The following WDR27 variants were observed in gnomAD, a reference collection of about 807,000 sequenced individuals.
WDR27 encodes WD repeat-containing protein 27.
WDR27 carries 100 observed loss-of-function variants against 114.4 expected under a neutral mutation model. That is an observed-to-expected ratio of 0.87 (90% CI 0.74 to 1.03). The LOEUF (loss-of-function observed/expected upper bound fraction) is 1.03, where lower values mean the gene tolerates loss of function less well. WDR27 is among the 50% of genes least tolerant of loss of function. WDR27 has a pLI of 0.00. For synonymous variants in WDR27, 449 were observed against 423.1 expected, an observed-to-expected ratio of 1.06 and a Z score of -0.75; for missense variants, 1,129 against 1,092.9, an observed-to-expected ratio of 1.03 and a Z score of -0.47.
chr6:169,508,590 C>T (rs1190368328), intron 25 of WDR27, among the ~76,000 whole-genome samples: 2 of 152,052 alleles, frequency 1.3e-5, no homozygotes, highest in East Asian at 3.9e-4. Flanking sequence ...GGAACAATTG[C>T]ACACAAGAAT....
the WDR27 span, among the ~76,000 whole-genome samples, chr6:169,434,085 A>C: frequency 6.6e-6 from 1 of 152,158 alleles, no homozygotes; most frequent in African/African-American, 2.4e-5. Flanking sequence ...GAAGCTCTTT[A>C]GTTTAATTAG....
At chr6:169,696,857 T>G (rs1268427697) in intron 1 of WDR27, among the ~76,000 whole-genome samples, 1 of 152,188 alleles carries the variant, frequency 6.6e-6, no homozygotes, top group African/African-American at 2.4e-5. Context: ...GAGGTTGTTG[T>G]GAGCCAAGAT....
chr6:169,544,346 A>C (rs1797188961), intron 25 of WDR27, among the ~76,000 whole-genome samples: 1 of 152,210 alleles, frequency 6.6e-6, no homozygotes, highest in Non-Finnish European at 1.5e-5. Flanking sequence ...TATTAAAAAA[A>C]AACTCTTAGA....
intron 23 of WDR27, among the ~76,000 whole-genome samples, chr6:169,601,739 A>G (rs1328093722): frequency 6.6e-6 from 1 of 152,214 alleles, no homozygotes; most frequent in Non-Finnish European, 1.5e-5. Flanking sequence ...GATTATGGAC[A>G]AGTGGATGTG....
At chr6:169,617,594 T>C (rs551741476) in intron 21 of WDR27, among the ~76,000 whole-genome samples, 1 of 152,312 alleles carries the variant, frequency 6.6e-6, no homozygotes, top group South Asian at 2.1e-4. Flanking sequence ...CAGTCTGGTT[T>C]TGAACTCCTG....
intron 25 of WDR27, among the ~76,000 whole-genome samples, chr6:169,469,608 TG>T (rs1342846988): frequency 6.6e-6 from 1 of 152,218 alleles, no homozygotes; most frequent in Non-Finnish European, 1.5e-5. Flanking sequence ...TGATGGGGCC[TG>T]TGGTGGGAGT....
chr6:169,642,763 C>CTA (rs1265243658), intron 17 of WDR27, among the ~76,000 whole-genome samples: 1 of 152,208 alleles, frequency 6.6e-6, no homozygotes, highest in Non-Finnish European at 1.5e-5. Context: ...CTTGCCTAGG[C>CTA]CTGCTTCCCA....
intron 25 of WDR27, among the ~76,000 whole-genome samples, chr6:169,545,215 T>C (rs1156753241): frequency 6.6e-6 from 1 of 152,120 alleles, no homozygotes; most frequent in Non-Finnish European, 1.5e-5. Flanking sequence ...GACAGAGCAA[T>C]GAAACAGGAT....
At chr6:169,427,090 T>C in the WDR27 span, 1 of 152,742 alleles carries the variant, frequency 6.5e-6, no homozygotes, top group African/African-American at 2.4e-5. Flanking sequence ...AGAGCCCCTG[T>C]GGTCTCAGGC....
At chr6:169,431,786 G>C in the WDR27 span, among the ~76,000 whole-genome samples, 1 of 152,214 alleles carries the variant, frequency 6.6e-6, no homozygotes, top group Non-Finnish European at 1.5e-5. Flanking sequence ...TGTTCAAACA[G>C]TATGAGGATC....
At chr6:169,608,671 G>T (rs186878351) in intron 22 of WDR27, among the ~76,000 whole-genome samples, 148 of 152,294 alleles carry the variant, frequency 9.7e-4, no homozygotes, top group Middle Eastern at 3.4e-3. Flanking sequence ...AATTCAAGAT[G>T]AGATTTGGGT....
At position 169,666,568 on chromosome 6, in the gene WDR27, G is replaced by A. The variant is rs138618610; in HGVS notation, c.712+568C>T. The A allele has an allele frequency of 3.3e-5, 33 of 985,534 alleles. No individual in the cohort carries two copies. The East Asian group carries it at 1.8e-3, about 54-fold the overall frequency. 61.0% of individuals were successfully genotyped at this position (985,534 alleles called of 1,614,324 possible). A position where few individuals can be genotyped will look rare whatever the true frequency, so the allele number is the denominator to read the frequency against. On this transcript the variant is annotated intron_variant, in intron 6 of 25. Transcript: ENST00000448612. ...GGCTGCACGGGAGAGGTGCTGGGGC[G>A]TCACAGACCGCTCCTTATGCCGTGC...
At chr6:169,556,920 A>G (rs1347131688) in intron 25 of WDR27, among the ~76,000 whole-genome samples, 1 of 152,206 alleles carries the variant, frequency 6.6e-6, no homozygotes, top group Non-Finnish European at 1.5e-5. Context: ...ACCACATGTA[A>G]CTGAGATGAT....
chr6:169,643,563 A>C, intron 17 of WDR27, 134 bp downstream of exon 17: 1 of 649,318 alleles, frequency 1.5e-6, no homozygotes, highest in South Asian at 2.2e-5. Flanking sequence ...TCTAGTTTAG[A>C]CTCCAATTCA....
At chr6:169,448,667 C>T in the WDR27 span, among the ~76,000 whole-genome samples, 7 of 152,190 alleles carry the variant, frequency 4.6e-5, no homozygotes, top group East Asian at 1.2e-3. Flanking sequence ...GAACATTCCC[C>T]TTCATCCCAT....
intron 2 of WDR27, among the ~76,000 whole-genome samples, chr6:169,673,259 C>G (rs1779217526): frequency 6.6e-6 from 1 of 151,998 alleles, no homozygotes; most frequent in African/African-American, 2.4e-5. Flanking sequence ...AGCTGAGATG[C>G]TTATAAGGCG....
chr6:169,660,673 C>T lies in WDR27; in HGVS notation c.1119G>A (p.Leu373=), dbSNP rs1310362526. The T allele has an allele frequency of 1.2e-6, 2 of 1,613,514 alleles. No individual in the cohort carries two copies. The highest frequency in any genetic ancestry group is 1.7e-5 in the Admixed American group (1 of 60,014). The part of the protein sequence containing the change: ...NLANLEVEAA[L]YYKDFQSLSI... The stretch of plus-strand genomic sequence containing the variant: ...AATCAAAGATCTTACCCTTGTAATA[C>T]AAAGCAGCTTCCACTTCCAGGTTTG... Residue 373 remains leucine, a synonymous_variant, in exon 10 of 26, where the codon TTG becomes TTA. Transcript: ENST00000448612.
At chr6:169,696,633 C>T (rs778718502) in intron 1 of WDR27, among the ~76,000 whole-genome samples, 32 of 152,172 alleles carry the variant, frequency 2.1e-4, no homozygotes, top group Non-Finnish European at 2.8e-4. Flanking sequence ...CAAAAGCAGA[C>T]GCCGGGCACA....
chr6:169,456,623 G>A (rs1056042667), downstream of WDR27, among the ~76,000 whole-genome samples: 1 of 152,134 alleles, frequency 6.6e-6, no homozygotes, highest in Non-Finnish European at 1.5e-5. The surrounding 1 kb of genome is among the most constrained non-coding windows in gnomAD (Gnocchi z 4.0). Context: ...GGCAGCCTCT[G>A]GAGCCCTGCC....
Sources: gnomAD v4.1 joint callset for allele counts (sites outside exome capture counted in the v4.1 genomes callset) on GRCh38, gnomAD v4.1.1 for gene constraint, Gnocchi (gnomAD v3.1) non-coding constraint, MANE v1.5 for transcripts, NCBI Gene and HGNC (gene_info 2026-07-23, HGNC 2026-07-21) for gene names.